Variants in CELSR1 observed in about 807,000 individuals in gnomAD.
CELSR1 encodes the protein adhesion G protein-coupled receptor C1.
A neutral mutation model predicts 249.1 loss-of-function variants in CELSR1; 110 were observed. The observed-to-expected ratio is 0.44, with a 90% CI of 0.38 to 0.52. The LOEUF (loss-of-function observed/expected upper bound fraction) is 0.52. CELSR1 is among the 20% of genes least tolerant of loss of function. The pLI is 0.00. For synonymous variants in CELSR1, 2,113 were observed against 1,900.0 expected (o/e 1.11, Z -2.92); for missense variants, 4,109 against 4,296.4 (o/e 0.96, Z 1.22).
At chr22:46,426,014 TCCTC>T (rs2079532526) in intron 5 of CELSR1, among the ~76,000 whole-genome samples, 1 of 151,500 alleles carries the variant, frequency 6.6e-6, no homozygotes, top group African/African-American at 2.4e-5. Flanking sequence ...CTTCTTCCCT[TCCTC>T]CCTTCTTTTT....
At chr22:46,422,290 T>C (rs563108100) in intron 5 of CELSR1, among the ~76,000 whole-genome samples, 1 of 152,054 alleles carries the variant, frequency 6.6e-6, no homozygotes, top group African/African-American at 2.4e-5. Context: ...GTATTTTTAG[T>C]AGAGATGGGG....
chr22:46,495,815 C>T (rs919524194), intron 1 of CELSR1, among the ~76,000 whole-genome samples: 8 of 151,598 alleles, frequency 5.3e-5, no homozygotes, highest in Non-Finnish European at 1.0e-4. Flanking sequence ...AACTCCATCT[C>T]AAAAAATATA....
chr22:46,524,690 T>C (rs1437080543), intron 1 of CELSR1, among the ~76,000 whole-genome samples: 1 of 152,082 alleles, frequency 6.6e-6, no homozygotes, highest in Non-Finnish European at 1.5e-5. Context: ...TTCCCAGCTA[T>C]GGAATGTTCA....
In CELSR1 at chr22:46,512,622, C is replaced by T. The variant is rs1247658011; in HGVS notation, c.3544+21005G>A. Among the ~76,000 whole-genome samples, 1 of 152,192 alleles carries T rather than the reference C, an allele frequency of 6.6e-6. No homozygotes were observed. The highest frequency in any genetic ancestry group is 6.5e-5 in the Admixed American group (1 of 15,288). On this transcript the variant is annotated intron_variant, in intron 1 of 34. Transcript: ENST00000674500. The surrounding 1 kb of genome is among the most constrained non-coding windows in gnomAD (Gnocchi z 5.2). ...ATACTATGCATTGCCTTGACATCTGCTGAAGCCAGGAGGCCTCAAATGGCC... is the reference window on the plus strand; with the variant it reads ...ATACTATGCATTGCCTTGACATCTGTTGAAGCCAGGAGGCCTCAAATGGCC...
chr22:46,461,456 C>T (rs2147573806), intron 2 of CELSR1, among the ~76,000 whole-genome samples: 1 of 152,314 alleles, frequency 6.6e-6, no homozygotes, highest in African/African-American at 2.4e-5. Context: ...CCAGGGGCCT[C>T]GACCACCCCT....
rs1382938256 is a variant in CELSR1, at chr22:46,362,457, T to TC, written c.*765dup. On this transcript the variant is annotated 3_prime_UTR_variant, in exon 35 of 35. Transcript: ENST00000674500. ...CCGGCGGGGAGGGCCCACACCATCC[T>TC]CACTTCCTGGCCGAAGGCAGCTGTA... 4 of 152,508 alleles carry TC rather than the reference T, an allele frequency of 2.6e-5. No individual in the cohort carries two copies. The East Asian group carries it at 5.8e-4, about 22-fold the overall frequency. 9.4% of individuals were successfully genotyped at this position (152,508 alleles called of 1,614,324 possible). A position where few individuals can be genotyped will look rare whatever the true frequency, so the allele number is the denominator to read the frequency against.
Position 46,380,670 on chromosome 22 carries a change from G to T in CELSR1, c.7256+118C>A. On this transcript the variant is annotated intron_variant, in intron 22 of 34. Transcript: ENST00000674500. The surrounding 1 kb of genome is among the most constrained non-coding windows in gnomAD (Gnocchi z 5.1). Reference sequence around the variant, plus strand: ...ACTGCCCCCACGGGGGACTTAAAGGGGAAACACAGACCACAAGAGACCGTC... The same window carrying T: ...ACTGCCCCCACGGGGGACTTAAAGGTGAAACACAGACCACAAGAGACCGTC... 1 of 1,222,700 alleles carries T rather than the reference G, an allele frequency of 8.2e-7. No individual in the cohort carries two copies. The highest frequency in any genetic ancestry group is 1.1e-6 in the Non-Finnish European group (1 of 876,348). The allele number at this position is 1,222,700 out of a possible 1,614,324, so 75.7% of individuals were successfully genotyped here.
rs556376593 is a variant in CELSR1 at position 46,454,230 on chromosome 22, G to A, written c.4183+9477C>T. ...CAGGAGGCCCTCCCCAGGGCCTCCC[G>A]GAGCAGCCCCGCCCACGCCCCTGAA... On this transcript the variant is annotated intron_variant, in intron 2 of 34. Transcript: ENST00000674500. The surrounding 1 kb of genome is among the most constrained non-coding windows in gnomAD (Gnocchi z 5.1). Among the ~76,000 whole-genome samples, 5 of 152,284 alleles carry A rather than the reference G, an allele frequency of 3.3e-5. No homozygotes were observed. In the South Asian group the frequency reaches 6.2e-4, roughly 19 times the overall value.
At chr22:46,366,147 GTT>G (rs2147160735) in intron 30 of CELSR1, among the ~76,000 whole-genome samples, 1 of 37,654 alleles carries the variant, frequency 2.7e-5, no homozygotes, top group Admixed American at 1.8e-4. Context: ...GAAAAGGTTG[GTT>G]GGGGGAAGTT....
Position 46,535,579 on chromosome 22 carries a change from G to C in CELSR1, c.1592C>G (p.Ser531Trp), listed in dbSNP as rs766161819. ...PLDFEDVQKY[S>W]LSIKAQDGGR... ...CCCATCCTGGGCCTTAATGCTCAGC[G>C]AGTATTTCTGGACATCCTCGAAATC... The change falls in exon 1 of 35, where the codon TCG (serine) becomes TGG (tryptophan). Residue 531 changes from serine (S) to tryptophan (W), a missense_variant. Physicochemically the swap from Ser to Trp is radical, Grantham distance 177 (BLOSUM62 -3). Coordinates refer to ENST00000674500, the MANE Select transcript of CELSR1 (RefSeq NM_001378328.1). 1.2e-6 allele frequency: 2 copies of C among 1,613,450 alleles called. No individual in the cohort carries two copies. Among genetic ancestry groups the C allele is most frequent in the Non-Finnish European group, 1.7e-6 (2 of 1,180,028 alleles).
At chr22:46,424,003 T>C (rs1469650319) in intron 5 of CELSR1, among the ~76,000 whole-genome samples, 2 of 152,152 alleles carry the variant, frequency 1.3e-5, no homozygotes, top group African/African-American at 2.4e-5. Context: ...TTTGTTGTTT[T>C]GGAGAGCATA....
chr22:46,366,544 T>G, intron 29 of CELSR1, 64 bp from the exon 30 acceptor site: 1 of 1,300,034 alleles, frequency 7.7e-7, no homozygotes, highest in Non-Finnish European at 1.1e-6. Context: ...CCACGGGGAA[T>G]GACTCTGTCC....
At chr22:46,421,786 A>G (rs1277199960) in intron 5 of CELSR1, among the ~76,000 whole-genome samples, 1 of 152,270 alleles carries the variant, frequency 6.6e-6, no homozygotes, top group Non-Finnish European at 1.5e-5. Context: ...GCACGTGCAG[A>G]CTGCCTTAGC....
Position 46,529,092 on chromosome 22 carries a change from C to T in CELSR1, c.3544+4535G>A, listed in dbSNP as rs189157993. On this transcript the variant is annotated intron_variant, in intron 1 of 34. Transcript: ENST00000674500. ...CATCTTGGCTAACACGGTGAAACCCCGTCTCTACTAAAAATACAAAAAAAT... is the reference window on the plus strand; with the variant it reads ...CATCTTGGCTAACACGGTGAAACCCTGTCTCTACTAAAAATACAAAAAAAT... Among the ~76,000 whole-genome samples the T allele has an allele frequency of 5.6e-3, 838 of 150,436 alleles. 6 individuals are homozygous for T. The highest frequency in any genetic ancestry group is 1.0e-2 in the Non-Finnish European group (673 of 67,516).
intron 1 of CELSR1, among the ~76,000 whole-genome samples, chr22:46,479,169 A>G (rs575503656): frequency 7.2e-5 from 11 of 151,924 alleles, no homozygotes; most frequent in African/African-American, 2.7e-4. Flanking sequence ...CGGCTGGTGC[A>G]GCATCCGCCG....
In CELSR1 at chr22:46,535,878, G is replaced by A. The variant is rs2080848232; in HGVS notation, c.1293C>T (p.Asp431=). The change falls in exon 1 of 35, where the codon GAC becomes GAT. Residue 431 remains aspartate, a synonymous_variant. Coordinates refer to ENST00000674500, the MANE Select transcript of CELSR1 (RefSeq NM_001378328.1). ...AEYQLLVEAN[D]QGRNPGPLSA... Reference sequence around the variant, plus strand: ...TGAGCGGGCCCGGATTGCGCCCCTGGTCGTTGGCCTCCACCAGGAGCTGGT... The same window carrying A: ...TGAGCGGGCCCGGATTGCGCCCCTGATCGTTGGCCTCCACCAGGAGCTGGT... 6.2e-7 allele frequency: 1 copy of A among 1,610,174 alleles called. No homozygotes were observed. Among genetic ancestry groups the A allele is most frequent in the Non-Finnish European group, 8.5e-7 (1 of 1,179,560 alleles).
intron 1 of CELSR1, among the ~76,000 whole-genome samples, chr22:46,475,318 A>T (rs2080196958): frequency 6.6e-6 from 1 of 152,188 alleles, no homozygotes; most frequent in African/African-American, 2.4e-5. Flanking sequence ...GACACACGCT[A>T]CAACACAGAT....
In CELSR1 at chr22:46,393,402, T is replaced by C. The variant is rs2079114794; in HGVS notation, c.5964+740A>G. Among the ~76,000 whole-genome samples the C allele has an allele frequency of 6.6e-6, 1 of 152,236 alleles. No individual in the cohort carries two copies. Among genetic ancestry groups the C allele is most frequent in the Admixed American group, 6.5e-5 (1 of 15,282 alleles). On this transcript the variant is annotated intron_variant, in intron 14 of 34. Transcript: ENST00000674500. The surrounding 1 kb of genome is among the most constrained non-coding windows in gnomAD (Gnocchi z 4.1). ...GCATAACGCACTTAGTGACACTTTC[T>C]ATTTTAAAACTGCTGTCATCATGGG...
At chr22:46,491,157 C>G (rs1163835177) in intron 1 of CELSR1, among the ~76,000 whole-genome samples, 1 of 149,072 alleles carries the variant, frequency 6.7e-6, no homozygotes. Context: ...CACCGCCCTC[C>G]ATACTGTGAC....
Sources: allele counts gnomAD v4.1 joint callset (sites outside exome capture counted in the v4.1 genomes callset), GRCh38; gene constraint gnomAD v4.1.1; non-coding constraint Gnocchi (gnomAD v3.1); transcripts MANE v1.5; gene names NCBI Gene and HGNC (gene_info 2026-07-23, HGNC 2026-07-21).